KCNMA1: variants seen among roughly 807,000 people sequenced by gnomAD.
The protein encoded by KCNMA1 is potassium calcium-activated channel subfamily M alpha 1, also known as Calcium-activated potassium channel subunit alpha-1.
KCNMA1 carries 29 observed loss-of-function variants against 140.0 expected under a neutral mutation model. That is an observed-to-expected ratio of 0.21 (90% CI 0.15 to 0.28). The LOEUF (loss-of-function observed/expected upper bound fraction) is 0.28, where lower values mean the gene tolerates loss of function less well. Ranked by LOEUF, KCNMA1 falls within the 10% of genes least tolerant of loss-of-function variation. KCNMA1 has a pLI of 1.00. For missense variants in KCNMA1, 880 were observed against 1,602.2 expected (o/e 0.55, Z 7.70); for synonymous variants, 612 against 611.9 (o/e 1.00, Z 0.00).
intron 1 of KCNMA1, among the ~76,000 whole-genome samples, chr10:77,554,006 A>C (rs866477722): frequency 6.6e-6 from 1 of 151,254 alleles, no homozygotes; most frequent in Non-Finnish European, 1.5e-5. Flanking sequence ...AACAGATGAT[A>C]CTGTGGCTAC....
At chr10:77,513,261 C>T (rs1479887859) in intron 1 of KCNMA1, among the ~76,000 whole-genome samples, 1 of 152,170 alleles carries the variant, frequency 6.6e-6, no homozygotes, top group East Asian at 1.9e-4. Flanking sequence ...AACGCTCTTC[C>T]CCCAAATTTC....
chr10:77,239,025 G>A (rs2056474402), intron 3 of KCNMA1, among the ~76,000 whole-genome samples: 1 of 152,106 alleles, frequency 6.6e-6, no homozygotes, highest in Non-Finnish European at 1.5e-5. Context: ...GCCGCCAAAT[G>A]CACCCTCCTT....
At chr10:76,971,833 A>T (rs1482739715) in intron 19 of KCNMA1, among the ~76,000 whole-genome samples, 5 of 152,222 alleles carry the variant, frequency 3.3e-5, no homozygotes, top group Non-Finnish European at 7.3e-5. Context: ...AATGGTATTG[A>T]AAAAATCACT....
chr10:77,424,922 T>C (rs1200833850), intron 1 of KCNMA1, among the ~76,000 whole-genome samples: 1 of 152,262 alleles, frequency 6.6e-6, no homozygotes. Context: ...TGTTCAATGC[T>C]GGTCTCCCAC....
chr10:77,623,318 A>G (rs760018139), intron 1 of KCNMA1, among the ~76,000 whole-genome samples: 54 of 152,296 alleles, frequency 3.5e-4, no homozygotes, highest in African/African-American at 5.5e-4. Context: ...AACCTCTGCC[A>G]TATCTAGTCC....
Position 77,345,967 on chromosome 10 carries a change from T to C in KCNMA1, c.540+57895A>G, listed in dbSNP as rs147493994. ...GCTCTATCCCCTTGAGCCATCCAAG[T>C]CTCAGACACATTCATATACTGACTG... On this transcript the variant is annotated intron_variant, in intron 2 of 27. Coordinates refer to ENST00000286628, the MANE Select transcript of KCNMA1 (RefSeq NM_001161352.2). 1.2e-4 allele frequency among the ~76,000 whole-genome samples: 19 copies of C among 152,314 alleles called. No individual in the cohort carries two copies. In the East Asian group the frequency reaches 3.7e-3, roughly 29 times the overall value.
chr10:77,138,337 G>C (rs1289252416), intron 5 of KCNMA1, among the ~76,000 whole-genome samples: 1 of 152,000 alleles, frequency 6.6e-6, no homozygotes, highest in East Asian at 1.9e-4. Flanking sequence ...TAGCTCACTG[G>C]AGTCTTGACC....
chr10:77,215,257 T>A (rs11596579), intron 3 of KCNMA1, among the ~76,000 whole-genome samples: 35,064 of 151,940 alleles, frequency 0.23, 4,489 homozygotes, highest in Non-Finnish European at 0.28. Context: ...GTCCAAAATG[T>A]CTTTCTCCTC....
At chr10:77,300,633 T>A (rs913689725) in intron 2 of KCNMA1, among the ~76,000 whole-genome samples, 11 of 152,210 alleles carry the variant, frequency 7.2e-5, no homozygotes, top group East Asian at 1.9e-4. Flanking sequence ...ATCTTTCTCA[T>A]CAACGTATTT....
rs118125790 is a variant in KCNMA1, at chr10:77,111,329, G to A, written c.961-986C>T. Among the ~76,000 whole-genome samples, 479 of 152,310 alleles carry A rather than the reference G, an allele frequency of 3.1e-3. 1 individual carries two copies. The highest frequency in any genetic ancestry group is 4.8e-3 in the Non-Finnish European group (325 of 68,038). ...CTCTGCAAAATGTTTCCAGGGCCTGGCCTCTTTCACACATCAGTTTGTCCT... is the reference window on the plus strand; with the variant it reads ...CTCTGCAAAATGTTTCCAGGGCCTGACCTCTTTCACACATCAGTTTGTCCT... On this transcript the variant is annotated intron_variant, in intron 7 of 27. Transcript: ENST00000286628.
intron 1 of KCNMA1, among the ~76,000 whole-genome samples, chr10:77,543,617 A>G (rs1352012128): frequency 1.3e-5 from 2 of 152,238 alleles, no homozygotes; most frequent in Non-Finnish European, 2.9e-5. Flanking sequence ...CAATGAATTC[A>G]GAAAAGTTAG....
intron 1 of KCNMA1, among the ~76,000 whole-genome samples, chr10:77,620,996 G>C (rs1221795025): frequency 6.6e-6 from 1 of 152,144 alleles, no homozygotes; most frequent in South Asian, 2.1e-4. Flanking sequence ...ATATCCCCGG[G>C]AAAAGGCCAG....
At chr10:77,636,640 G>T in intron 1 of KCNMA1, 3 of 1,535,900 alleles carry the variant, frequency 2.0e-6, no homozygotes, top group Non-Finnish European at 2.6e-6. Context: ...AGCCCCGTGG[G>T]CTACCCCCAA....
Position 76,889,849 on chromosome 10 carries a change from C to T in KCNMA1, c.3343-280G>A, listed in dbSNP as rs574713617. ...GTTTGAAAGCTCTAAGGAGATTATG[C>T]TTCTCCCTCACTTTAAGTCAAAGTG... On this transcript the variant is annotated intron_variant, in intron 26 of 27. Transcript: ENST00000286628. The T allele has an allele frequency of 1.1e-3, 512 of 467,132 alleles. 1 individual carries two copies. Among genetic ancestry groups the T allele is most frequent in the Non-Finnish European group, 1.6e-3 (419 of 254,052 alleles). The allele number at this position is 467,132 out of a possible 1,614,324, so 28.9% of individuals were successfully genotyped here.
chr10:77,012,221 C>T (rs1362876486), intron 17 of KCNMA1, 178 bp from the exon 18 acceptor site: 2 of 1,484,086 alleles, frequency 1.3e-6, no homozygotes, highest in East Asian at 2.5e-5. Context: ...CCATTTATTT[C>T]AAACACAGGA....
intron 5 of KCNMA1, among the ~76,000 whole-genome samples, chr10:77,179,912 C>T (rs771924169): frequency 1.3e-5 from 2 of 152,194 alleles, no homozygotes; most frequent in Non-Finnish European, 2.9e-5. Flanking sequence ...TCTATGAGTA[C>T]ACCGTTACAT....
intron 16 of KCNMA1, chr10:77,022,849 G>C (rs1214512853): frequency 2.6e-6 from 1 of 384,366 alleles, no homozygotes; most frequent in Non-Finnish European, 5.4e-6. Context: ...ACCTCTGCTA[G>C]GGCTAGGGGA....
chr10:77,301,083 C>G (rs543523639), intron 2 of KCNMA1, among the ~76,000 whole-genome samples: 3 of 152,340 alleles, frequency 2.0e-5, no homozygotes, highest in Admixed American at 2.0e-4. Flanking sequence ...ATCCCTGCAG[C>G]TAATGAGTAG....
Position 77,637,499 on chromosome 10 carries a change from A to AGAGGAAGAGGAG in KCNMA1, c.132_143dup (p.Ser57_Ser60dup). The AGAGGAAGAGGAG allele has an allele frequency of 1.3e-6, 2 of 1,585,680 alleles. No homozygotes were observed. Among genetic ancestry groups the AGAGGAAGAGGAG allele is most frequent in the Non-Finnish European group, 1.7e-6 (2 of 1,161,658 alleles). ...AGGAAGAGGAGGAGGAAGAAGAAGA[A>AGAGGAAGAGGAG]GAGGAAGAGGAGGAGGAGGAGGAGG... On this transcript the variant is annotated inframe_insertion, in exon 1 of 28. Transcript: ENST00000286628.
Sources: gnomAD v4.1 joint callset for allele counts (sites outside exome capture counted in the v4.1 genomes callset) on GRCh38, gnomAD v4.1.1 for gene constraint, MANE v1.5 for transcripts, NCBI Gene and HGNC (gene_info 2026-07-23, HGNC 2026-07-21) for gene names.